The following GRM5 variants were observed in gnomAD, a reference collection of about 807,000 sequenced individuals.
GRM5 encodes metabotropic glutamate receptor 5.
A neutral mutation model predicts 83.1 loss-of-function variants in GRM5; 19 were observed. The observed-to-expected ratio is 0.23, with a 90% confidence interval of 0.16 to 0.34. GRM5 has a LOEUF of 0.34. Among genes scored for constraint, GRM5 ranks in the 10% least tolerant of loss-of-function variants. GRM5 has a pLI of 1.00. For missense variants in GRM5, 1,160 were observed against 1,588.3 expected (o/e 0.73, Z 4.58); for synonymous variants, 675 against 633.6 (o/e 1.07, Z -0.98).
intron 3 of GRM5, among the ~76,000 whole-genome samples, chr11:88,783,086 C>T (rs910263295): frequency 6.6e-6 from 1 of 152,026 alleles, no homozygotes; most frequent in African/African-American, 2.4e-5. Context: ...CATTACTGTG[C>T]TAACTGGTGG....
At chr11:88,944,981 G>A (rs533536491) in intron 2 of GRM5, among the ~76,000 whole-genome samples, 43 of 151,900 alleles carry the variant, frequency 2.8e-4, no homozygotes, top group South Asian at 6.2e-4. Context: ...TCCACCAAAC[G>A]GCTCCTGGGA....
chr11:88,532,784 A>G (rs1158058243), intron 8 of GRM5, among the ~76,000 whole-genome samples: 1 of 152,230 alleles, frequency 6.6e-6, no homozygotes, highest in Admixed American at 6.5e-5. Context: ...AAAATATTAA[A>G]GATGTTTACA....
chr11:88,801,808 G>T (rs1943401068), intron 3 of GRM5, among the ~76,000 whole-genome samples: 1 of 152,070 alleles, frequency 6.6e-6, no homozygotes, highest in Admixed American at 6.6e-5. Context: ...TTCAATTCTA[G>T]TCCTGCTATT....
chr11:88,669,562 A>T (rs1308227098), intron 3 of GRM5, among the ~76,000 whole-genome samples: 4 of 152,114 alleles, frequency 2.6e-5, no homozygotes, highest in African/African-American at 9.6e-5. Flanking sequence ...GAAATAATCT[A>T]TAGATATACT....
In GRM5 at chr11:88,765,907, C is replaced by G. The variant is rs185150546; in HGVS notation, c.911+83999G>C. Among the ~76,000 whole-genome samples the G allele has an allele frequency of 4.9e-3, 736 of 151,722 alleles. 2 individuals carry two copies. Among genetic ancestry groups the G allele is most frequent in the Middle Eastern group, 0.021 (6 of 292 alleles). On this transcript the variant is annotated intron_variant, in intron 3 of 9. Transcript: ENST00000305447. ...CACTATCAACAGAATAAAAAGGAAA[C>G]ACACAGAATGGGAGAAAATGTTTGC...
At chr11:88,948,601 TAGA>T (rs1344969988) in intron 2 of GRM5, among the ~76,000 whole-genome samples, 1 of 152,204 alleles carries the variant, frequency 6.6e-6, no homozygotes, top group Admixed American at 6.5e-5. Context: ...ATAAAATTCG[TAGA>T]AGTTTTATGA....
chr11:88,769,404 A>C (rs1942686070), intron 3 of GRM5, among the ~76,000 whole-genome samples: 1 of 152,042 alleles, frequency 6.6e-6, no homozygotes, highest in Non-Finnish European at 1.5e-5. Flanking sequence ...TCTAAAAGAA[A>C]TGGCACTAGA....
intron 4 of GRM5, among the ~76,000 whole-genome samples, chr11:88,652,923 C>T (rs1049385233): frequency 2.0e-5 from 3 of 152,012 alleles, no homozygotes; most frequent in Non-Finnish European, 2.9e-5. Flanking sequence ...TATGGAAATA[C>T]ATTCAATTTT....
chr11:88,881,473 T>C (rs138090059), intron 2 of GRM5, among the ~76,000 whole-genome samples: 108 of 149,546 alleles, frequency 7.2e-4, no homozygotes, highest in Middle Eastern at 3.4e-3. Flanking sequence ...AACTATAAGA[T>C]ATCAAAAGAA....
intron 7 of GRM5, among the ~76,000 whole-genome samples, chr11:88,571,523 G>A (rs2135178718): frequency 6.6e-6 from 1 of 152,244 alleles, no homozygotes; most frequent in Non-Finnish European, 1.5e-5. Flanking sequence ...TCCAAAAAAT[G>A]GATGCGTATC....
intron 7 of GRM5, among the ~76,000 whole-genome samples, chr11:88,569,799 T>C (rs200710267): frequency 1.3e-5 from 2 of 152,244 alleles, no homozygotes; most frequent in East Asian, 3.8e-4. Flanking sequence ...TTTATTTATT[T>C]TCTTGATATA....
chr11:88,979,537 G>C (rs1355319674), intron 2 of GRM5, among the ~76,000 whole-genome samples: 2 of 152,146 alleles, frequency 1.3e-5, no homozygotes, highest in Non-Finnish European at 2.9e-5. Flanking sequence ...AGACTCTTTA[G>C]AGATGTCTGA....
intron 2 of GRM5, among the ~76,000 whole-genome samples, chr11:88,952,972 T>TCC (rs1451572425): frequency 2.4e-4 from 36 of 152,326 alleles, no homozygotes; most frequent in Non-Finnish European, 1.6e-4. Context: ...ATGGAGGATT[T>TCC]TCCCCTCTCT....
At position 88,649,442 on chromosome 11, in the gene GRM5, GTATTATA is replaced by G. The variant is rs935097013; in HGVS notation, c.1147+3719_1147+3725del. Among the ~76,000 whole-genome samples the G allele has an allele frequency of 2.2e-5, 3 of 138,588 alleles. No individual in the cohort carries two copies. In the Admixed American group the frequency reaches 2.3e-4, roughly 10 times the overall value. The allele number at this position is 138,588 out of a possible 152,430, so 90.9% of individuals were successfully genotyped here. On this transcript the variant is annotated intron_variant, in intron 4 of 9. Transcript: ENST00000305447. ...ATATATTATATATGACATTTATTAT[GTATTATA>G]TATTATATATTACATATATACTATA...
intron 2 of GRM5, among the ~76,000 whole-genome samples, chr11:88,902,478 G>A (rs1293580729): frequency 6.6e-6 from 1 of 152,100 alleles, no homozygotes; most frequent in African/African-American, 2.4e-5. Flanking sequence ...GTACTCAAAT[G>A]TTAAATGAAG....
intron 2 of GRM5, among the ~76,000 whole-genome samples, chr11:88,987,373 T>G (rs1189695166): frequency 6.6e-6 from 1 of 151,926 alleles, no homozygotes; most frequent in African/African-American, 2.4e-5. Context: ...CCACGGAGTC[T>G]CACTGATTGC....
At chr11:88,756,158 C>A (rs1184543130) in intron 3 of GRM5, among the ~76,000 whole-genome samples, 1 of 152,136 alleles carries the variant, frequency 6.6e-6, no homozygotes, top group East Asian at 1.9e-4. Context: ...AACAGTCTGA[C>A]TGTGTTTCGT....
At chr11:88,606,647 C>T (rs944755826) in intron 4 of GRM5, among the ~76,000 whole-genome samples, 3 of 152,154 alleles carry the variant, frequency 2.0e-5, no homozygotes, top group African/African-American at 7.2e-5. Context: ...ACCAATCTGG[C>T]TACATTGTGG....
intron 8 of GRM5, among the ~76,000 whole-genome samples, chr11:88,558,931 A>G (rs1014477450): frequency 1.3e-5 from 2 of 152,096 alleles, no homozygotes; most frequent in Admixed American, 6.5e-5. Context: ...ATTAGTAAAT[A>G]GAAGCAGAGT....
Sources: gnomAD v4.1 joint callset for allele counts (sites outside exome capture counted in the v4.1 genomes callset) on GRCh38, gnomAD v4.1.1 for gene constraint, MANE v1.5 for transcripts, NCBI Gene and HGNC (gene_info 2026-07-23, HGNC 2026-07-21) for gene names.